The following FRMD3 variants were observed in gnomAD, a reference collection of about 807,000 sequenced individuals.
The protein encoded by FRMD3 is FERM domain-containing protein 3.
In FRMD3, 33 loss-of-function variants were observed where a neutral mutation model predicts 70.2. The observed-to-expected ratio is 0.47, with a 90% confidence interval of 0.36 to 0.63. The LOEUF is 0.63. Ranked by LOEUF, FRMD3 falls within the 20% of genes least tolerant of loss-of-function variation. The pLI is 0.00. For synonymous variants in FRMD3, 279 were observed against 255.9 expected (o/e 1.09, Z -0.86); for missense variants, 632 against 711.4 (o/e 0.89, Z 1.27).
chr9:83,405,770 A>G (rs1360256867), intron 1 of FRMD3, among the ~76,000 whole-genome samples: 1 of 151,952 alleles, frequency 6.6e-6, no homozygotes, highest in East Asian at 1.9e-4. Flanking sequence ...CAAAAAAAAA[A>G]AAAGAAAGAA....
chr9:83,503,629 G>A (rs781369279), intron 1 of FRMD3, among the ~76,000 whole-genome samples: 18 of 152,226 alleles, frequency 1.2e-4, no homozygotes, highest in Non-Finnish European at 2.1e-4. Context: ...GGTCTACAGA[G>A]CTAACTAAGT....
At chr9:83,481,990 A>G (rs1052147232) in intron 1 of FRMD3, among the ~76,000 whole-genome samples, 6 of 152,080 alleles carry the variant, frequency 3.9e-5, no homozygotes, top group African/African-American at 1.2e-4. Flanking sequence ...CAACAACAAC[A>G]AAGTAAGTTT....
At position 83,247,853 on chromosome 9, in the gene FRMD3, G is replaced by A. The variant is rs1832183759; in HGVS notation, c.*65C>T. On this transcript the variant is annotated 3_prime_UTR_variant, in exon 14 of 14. Coordinates refer to ENST00000304195, the MANE Select transcript of FRMD3 (RefSeq NM_174938.6). Reference sequence around the variant, plus strand: ...CAGCCCCGTGACCCTTCAGAACCAGGCATTTGCTGAAAAAAAGAAATCACT... The same window carrying A: ...CAGCCCCGTGACCCTTCAGAACCAGACATTTGCTGAAAAAAAGAAATCACT... 6.4e-7 allele frequency: 1 copy of A among 1,570,182 alleles called. No individual in the cohort carries two copies. The highest frequency in any genetic ancestry group is 8.6e-7 in the Non-Finnish European group (1 of 1,157,508).
At chr9:83,464,067 T>A (rs1828050975) in intron 1 of FRMD3, among the ~76,000 whole-genome samples, 1 of 152,164 alleles carries the variant, frequency 6.6e-6, no homozygotes, top group South Asian at 2.1e-4. Context: ...ACCCCCTGCA[T>A]GAATGATCAT....
intron 2 of FRMD3, 93 bp from the exon 3 acceptor site, chr9:83,373,048 GC>G (rs781052878): frequency 5.8e-5 from 61 of 1,047,740 alleles, no homozygotes; most frequent in Non-Finnish European, 5.6e-5. Flanking sequence ...CCAAAGTACA[GC>G]CTCGGTTTCC....
chr9:83,567,467 C>A, the FRMD3 span, among the ~76,000 whole-genome samples: 8 of 152,304 alleles, frequency 5.3e-5, no homozygotes, highest in African/African-American at 1.9e-4. Flanking sequence ...CAAATTTCTG[C>A]AACTGGTTTG....
chr9:83,456,683 A>C (rs1261875852), intron 1 of FRMD3, among the ~76,000 whole-genome samples: 1 of 152,192 alleles, frequency 6.6e-6, no homozygotes, highest in African/African-American at 2.4e-5. Flanking sequence ...AATAAGTGTA[A>C]CTTAAAACAA....
At chr9:83,345,412 T>C (rs916006127) in intron 4 of FRMD3, among the ~76,000 whole-genome samples, 1 of 152,188 alleles carries the variant, frequency 6.6e-6, no homozygotes, top group African/African-American at 2.4e-5. Context: ...TTTGTTAAAA[T>C]TGATTCTGAT....
At chr9:83,413,282 A>G (rs1301884056) in intron 1 of FRMD3, among the ~76,000 whole-genome samples, 1 of 152,172 alleles carries the variant, frequency 6.6e-6, no homozygotes, top group African/African-American at 2.4e-5. Context: ...CTCAAACTTT[A>G]TGGTGTAGAA....
At chr9:83,421,073 T>C (rs1369730739) in intron 1 of FRMD3, among the ~76,000 whole-genome samples, 1 of 151,282 alleles carries the variant, frequency 6.6e-6, no homozygotes, top group South Asian at 2.1e-4. Flanking sequence ...CCCGAGTAGC[T>C]GGGACTACAG....
intron 1 of FRMD3, among the ~76,000 whole-genome samples, chr9:83,528,068 C>T (rs1247500243): frequency 1.3e-5 from 2 of 152,172 alleles, no homozygotes; most frequent in African/African-American, 4.8e-5. Flanking sequence ...CTTAATAATT[C>T]AAGTGACTAA....
At chr9:83,381,495 G>T (rs1208617884) in intron 2 of FRMD3, among the ~76,000 whole-genome samples, 1 of 151,956 alleles carries the variant, frequency 6.6e-6, no homozygotes. Flanking sequence ...GGCAGAGGTT[G>T]CAGTGAGCCT....
intron 13 of FRMD3, among the ~76,000 whole-genome samples, chr9:83,265,281 T>C (rs1833196009): frequency 6.6e-6 from 1 of 151,278 alleles, no homozygotes; most frequent in African/African-American, 2.4e-5. Flanking sequence ...GCGCCTGTAA[T>C]ATCAGCTACT....
At chr9:83,552,166 G>C in the FRMD3 span, among the ~76,000 whole-genome samples, 1 of 152,240 alleles carries the variant, frequency 6.6e-6, no homozygotes, top group Admixed American at 6.5e-5. Context: ...ATTCTGGTAT[G>C]TTATATCTTT....
At chr9:83,452,479 T>TTG (rs76162116) in intron 1 of FRMD3, among the ~76,000 whole-genome samples, 26 of 146,720 alleles carry the variant, frequency 1.8e-4, no homozygotes, top group Non-Finnish European at 3.0e-4. Flanking sequence ...AGTTGTTTTT[T>TTG]TTGTTGTTGT....
chr9:83,246,811 T>G lies in FRMD3; in HGVS notation c.*1107A>C, dbSNP rs1279037993. On this transcript the variant is annotated 3_prime_UTR_variant, in exon 14 of 14. Coordinates refer to ENST00000304195, the MANE Select transcript of FRMD3 (RefSeq NM_174938.6). ...TTAGATCCACTTAAACATGTTCATG[T>G]TAACTCAGACAGCGACTGCACTGCT... 3 of 985,252 alleles carry G rather than the reference T, an allele frequency of 3.0e-6. No individual in the cohort carries two copies. The highest frequency in any genetic ancestry group is 2.4e-6 in the Non-Finnish European group (2 of 829,920). The allele number at this position is 985,252 out of a possible 1,614,324, so 61.0% of individuals were successfully genotyped here.
In FRMD3 at chr9:83,333,873, C is replaced by T. The variant is rs1823480090; in HGVS notation, c.596+1643G>A. 2.6e-5 allele frequency among the ~76,000 whole-genome samples: 4 copies of T among 152,122 alleles called. No individual in the cohort carries two copies. In the South Asian group the frequency reaches 8.3e-4, roughly 32 times the overall value. ...CACTTCAGCTTGTACTTTCCTCATC[C>T]CACACTAGAAAGAACAATAGCGCCC... On this transcript the variant is annotated intron_variant, in intron 6 of 13. Transcript: ENST00000304195.
chr9:83,551,676 A>G, the FRMD3 span, among the ~76,000 whole-genome samples: 6 of 152,032 alleles, frequency 3.9e-5, no homozygotes, highest in Admixed American at 6.6e-5. Context: ...TATTCAGGGA[A>G]TCAATTTCTT....
intron 1 of FRMD3, among the ~76,000 whole-genome samples, chr9:83,518,695 CA>C (rs140839710): frequency 1.3e-5 from 2 of 148,898 alleles, no homozygotes; most frequent in Non-Finnish European, 1.5e-5. Flanking sequence ...CAATTCTAAG[CA>C]AAAAAAAACA....
Sources: gnomAD v4.1 joint callset for allele counts (sites outside exome capture counted in the v4.1 genomes callset) on GRCh38, gnomAD v4.1.1 for gene constraint, MANE v1.5 for transcripts, NCBI Gene and HGNC (gene_info 2026-07-23, HGNC 2026-07-21) for gene names.